NLGN4Y: variants seen among roughly 807,000 people sequenced by gnomAD.
The protein encoded by NLGN4Y is neuroligin-4, Y-linked.
A neutral mutation model predicts 8.4 loss-of-function variants in NLGN4Y; 4 were observed. That is an observed-to-expected ratio of 0.48 (90% CI 0.23 to 1.09). The LOEUF is 1.09. NLGN4Y is among the 50% of genes least tolerant of loss of function. The pLI is 0.19. For missense variants in NLGN4Y, 90 were observed against 192.3 expected, an observed-to-expected ratio of 0.47 and a Z score of 3.15; for synonymous variants, 35 against 75.6, an observed-to-expected ratio of 0.46 and a Z score of 2.78.
chrY:14,818,635 A>G (rs2043111329), intron 4 of NLGN4Y, among the ~76,000 whole-genome samples: 1 of 33,088 alleles, frequency 3.0e-5, no homozygotes, highest in Non-Finnish European at 7.4e-5. Flanking sequence ...TGTGCTTTCC[A>G]GTGATGACCT....
chrY:14,727,844 C>A, intron 4 of NLGN4Y, among the ~76,000 whole-genome samples: 1 of 33,414 alleles, frequency 3.0e-5, no homozygotes, highest in Non-Finnish European at 7.4e-5. Context: ...TGGGCCTATA[C>A]AACCAATCTC....
intron 2 of NLGN4Y, among the ~76,000 whole-genome samples, chrY:14,626,131 C>A: frequency 2.9e-5 from 1 of 34,115 alleles, no homozygotes; most frequent in Non-Finnish European, 7.3e-5. Context: ...GTCTCACTGA[C>A]TTCACGAATG....
intron 1 of NLGN4Y, among the ~76,000 whole-genome samples, chrY:14,597,369 C>A (rs2080406024): frequency 3.1e-5 from 1 of 32,755 alleles, no homozygotes; most frequent in Non-Finnish European, 7.5e-5. Context: ...CTGGCTCGGG[C>A]AGCCTGCTTT....
chrY:14,660,693 G>A (rs774868280), intron 2 of NLGN4Y, among the ~76,000 whole-genome samples: 2 of 31,566 alleles, frequency 6.3e-5, no homozygotes, highest in East Asian at 8.3e-4. Flanking sequence ...GCATGTGTGC[G>A]GTCAGTCATT....
chrY:14,814,490 G>T, intron 4 of NLGN4Y, among the ~76,000 whole-genome samples: 1 of 32,865 alleles, frequency 3.0e-5, no homozygotes, highest in Non-Finnish European at 7.5e-5. Flanking sequence ...AAAAATACAG[G>T]GCCCAAATGC....
At chrY:14,825,318 G>A (rs2043139912) in intron 5 of NLGN4Y, among the ~76,000 whole-genome samples, 1 of 24,217 alleles carries the variant, frequency 4.1e-5, no homozygotes, top group Non-Finnish European at 9.5e-5. Context: ...TCTGTCTCTC[G>A]CCCTTCCTCT....
chrY:14,542,575 G>T, intron 1 of NLGN4Y, among the ~76,000 whole-genome samples: 1 of 33,408 alleles, frequency 3.0e-5, no homozygotes, highest in South Asian at 6.6e-4. Flanking sequence ...GCACTCCTCA[G>T]CAAATGCAAA....
At chrY:14,766,842 T>A in intron 4 of NLGN4Y, among the ~76,000 whole-genome samples, 1 of 33,486 alleles carries the variant, frequency 3.0e-5, no homozygotes, top group Non-Finnish European at 7.4e-5. Flanking sequence ...TTATTTAAAT[T>A]CCTTTGTGAA....
intron 4 of NLGN4Y, among the ~76,000 whole-genome samples, chrY:14,762,162 T>TA (rs2081081610): frequency 3.0e-5 from 1 of 32,981 alleles, no homozygotes; most frequent in African/African-American, 1.2e-4. Flanking sequence ...TCTCCAAAAA[T>TA]AAAAAATAAG....
intron 2 of NLGN4Y, among the ~76,000 whole-genome samples, chrY:14,666,262 G>C: frequency 3.1e-5 from 1 of 31,934 alleles, no homozygotes. Flanking sequence ...TGTAGAGAAG[G>C]CCACCTCTAC....
At chrY:14,733,515 C>T in intron 4 of NLGN4Y, 3 of 349,989 alleles carry the variant, frequency 8.6e-6, no homozygotes, top group Non-Finnish European at 1.2e-5. Flanking sequence ...TCTCCTTTCA[C>T]TAATTTAATA....
intron 4 of NLGN4Y, among the ~76,000 whole-genome samples, chrY:14,755,094 C>T: frequency 3.1e-5 from 1 of 32,633 alleles, no homozygotes. Flanking sequence ...TAAAACCTTT[C>T]CTATATTTTT....
At chrY:14,704,761 G>A in intron 2 of NLGN4Y, among the ~76,000 whole-genome samples, 1 of 33,114 alleles carries the variant, frequency 3.0e-5, no homozygotes. Context: ...TGTACCTCTG[G>A]TAGAATTCGG....
chrY:14,569,093 G>A (rs2150479370), intron 1 of NLGN4Y, among the ~76,000 whole-genome samples: 2 of 33,193 alleles, frequency 6.0e-5, no homozygotes, highest in East Asian at 1.6e-3. Context: ...CCTTCAGAAC[G>A]AAGACGCAAA....
intron 1 of NLGN4Y, among the ~76,000 whole-genome samples, chrY:14,561,791 T>C: frequency 2.9e-5 from 1 of 33,982 alleles, no homozygotes; most frequent in Non-Finnish European, 7.3e-5. Context: ...TATCTTATTT[T>C]GGTTTTGATT....
chrY:14,796,729 G>A (rs538223797), intron 4 of NLGN4Y, among the ~76,000 whole-genome samples: 64 of 33,071 alleles, frequency 1.9e-3, no homozygotes, highest in Middle Eastern at 0.014. Context: ...CAGAAACAGA[G>A]AGTAGACTTG....
chrY:14,784,856 C>T (rs745760217), intron 4 of NLGN4Y, among the ~76,000 whole-genome samples: 1 of 32,808 alleles, frequency 3.0e-5, no homozygotes, highest in Admixed American at 2.8e-4. Context: ...AAGCTGCAGG[C>T]CATTATCCTT....
At chrY:14,551,288 G>A (rs2080191826) in intron 1 of NLGN4Y, among the ~76,000 whole-genome samples, 1 of 32,914 alleles carries the variant, frequency 3.0e-5, no homozygotes, top group Non-Finnish European at 7.5e-5. Context: ...GATTCATAAA[G>A]CAAGTTCTTA....
chrY:14,574,583 G>T (rs559523903), intron 1 of NLGN4Y, among the ~76,000 whole-genome samples: 2,830 of 32,950 alleles, frequency 0.086, no homozygotes, highest in Non-Finnish European at 0.031. Flanking sequence ...GGAGCATTTG[G>T]CCCATTTACA....
Sources: gnomAD v4.1 joint callset for allele counts (sites outside exome capture counted in the v4.1 genomes callset) on GRCh38, gnomAD v4.1.1 for gene constraint, MANE v1.5 for transcripts, NCBI Gene and HGNC (gene_info 2026-07-23, HGNC 2026-07-21) for gene names.